Variants in DOP1B observed in about 807,000 individuals in gnomAD.
DOP1B encodes protein DOP1B.
In DOP1B, 174 loss-of-function variants were observed where a neutral mutation model predicts 233.5. That is an observed-to-expected ratio of 0.75 (90% CI 0.66 to 0.85). The LOEUF (loss-of-function observed/expected upper bound fraction) is 0.85. Among genes scored for constraint, DOP1B ranks in the 40% least tolerant of loss-of-function variants. DOP1B has a pLI of 0.00. For missense variants in DOP1B, 2,652 were observed against 2,846.6 expected, an observed-to-expected ratio of 0.93 and a Z score of 1.56; for synonymous variants, 1,190 against 1,185.6, an observed-to-expected ratio of 1.00 and a Z score of -0.08.
At chr21:36,193,162 G>A (rs2066252495) in intron 2 of DOP1B, among the ~76,000 whole-genome samples, 1 of 152,170 alleles carries the variant, frequency 6.6e-6, no homozygotes. Context: ...CATCCATTGC[G>A]AGGTTCATGG....
intron 2 of DOP1B, among the ~76,000 whole-genome samples, chr21:36,185,847 C>T (rs1484727565): frequency 1.3e-5 from 2 of 152,148 alleles, no homozygotes; most frequent in African/African-American, 4.8e-5. Context: ...AGCATTTGCA[C>T]ATGTGTGCTG....
chr21:36,197,891 A>T (rs1050997175), intron 2 of DOP1B, among the ~76,000 whole-genome samples: 1 of 151,928 alleles, frequency 6.6e-6, no homozygotes, highest in Non-Finnish European at 1.5e-5. Flanking sequence ...TGTGCCTGTA[A>T]TCCCAGCTAC....
intron 2 of DOP1B, among the ~76,000 whole-genome samples, chr21:36,197,424 T>C (rs1225142636): frequency 1.3e-5 from 2 of 152,204 alleles, no homozygotes; most frequent in Non-Finnish European, 2.9e-5. Flanking sequence ...GTCATGAGGC[T>C]GAGGGCCCAC....
chr21:36,259,381 C>T (rs1200673777), intron 23 of DOP1B, among the ~76,000 whole-genome samples: 1 of 151,914 alleles, frequency 6.6e-6, no homozygotes, highest in East Asian at 1.9e-4. Flanking sequence ...AGCAATTGTC[C>T]TGCCTCTGCC....
At chr21:36,237,480 C>T in intron 16 of DOP1B, 66 bp downstream of exon 16, 4 of 1,583,064 alleles carry the variant, frequency 2.5e-6, no homozygotes, top group Non-Finnish European at 3.4e-6. Flanking sequence ...TGCCCTTAGC[C>T]AACTGACATC....
At position 36,265,932 on chromosome 21, in the gene DOP1B, G is replaced by A. The variant is rs536270764; in HGVS notation, c.5487+2118G>A. Reference sequence around the variant, plus strand: ...CTGCAGTGGACACTAGATAGGCACCGTCCAATTCCATTCAATTCTGGCATT... The same window carrying A: ...CTGCAGTGGACACTAGATAGGCACCATCCAATTCCATTCAATTCTGGCATT... On this transcript the variant is annotated intron_variant, in intron 26 of 36. Coordinates refer to ENST00000691173, the MANE Select transcript of DOP1B (RefSeq NM_001320714.2). 2.1e-3 allele frequency among the ~76,000 whole-genome samples: 323 copies of A among 152,122 alleles called. 2 individuals are homozygous for A. Among genetic ancestry groups the A allele is most frequent in the African/African-American group, 6.7e-3 (276 of 41,470 alleles).
chr21:36,167,735 G>A (rs550417637), intron 2 of DOP1B, among the ~76,000 whole-genome samples: 3 of 137,204 alleles, frequency 2.2e-5, no homozygotes, highest in South Asian at 4.6e-4. Flanking sequence ...CGGTAACCAC[G>A]AATCTACTTT....
At chr21:36,172,159 C>T (rs948481582) in intron 2 of DOP1B, among the ~76,000 whole-genome samples, 4 of 152,118 alleles carry the variant, frequency 2.6e-5, no homozygotes, top group Admixed American at 2.0e-4. Flanking sequence ...AGAGATACAG[C>T]AGGGTCAGGC....
rs150815274 is a variant in DOP1B at position 36,253,055 on chromosome 21, G to T, written c.5122-717G>T. 4.7e-3 allele frequency among the ~76,000 whole-genome samples: 712 copies of T among 152,284 alleles called. 4 individuals are homozygous for T. Among genetic ancestry groups the T allele is most frequent in the African/African-American group, 0.016 (668 of 41,530 alleles). ...AGTGTCCAAGGCCACCCTCCTGAGC[G>T]CCTGTCGGCTCCTTCCCTGGTGAGG... On this transcript the variant is annotated intron_variant, in intron 22 of 36. Transcript: ENST00000691173.
chr21:36,278,696 C>T (rs890270099), intron 30 of DOP1B, among the ~76,000 whole-genome samples: 2 of 151,976 alleles, frequency 1.3e-5, no homozygotes, highest in Non-Finnish European at 2.9e-5. Context: ...GGCGAAACCC[C>T]GTCTCTACAA....
At chr21:36,285,822 C>G (rs1038521746) in intron 32 of DOP1B, among the ~76,000 whole-genome samples, 1 of 152,062 alleles carries the variant, frequency 6.6e-6, no homozygotes, top group African/African-American at 2.4e-5. Flanking sequence ...ACCTGGCCAA[C>G]ATGGTGAAAC....
At chr21:36,270,395 G>A (rs1290148565) in intron 27 of DOP1B, among the ~76,000 whole-genome samples, 1 of 150,122 alleles carries the variant, frequency 6.7e-6, no homozygotes, top group Non-Finnish European at 1.5e-5. Flanking sequence ...TCTACTAAAA[G>A]TAAAAAAATC....
In DOP1B at chr21:36,248,452, G is replaced by T; in HGVS notation, c.4882G>T (p.Val1628Phe). The change falls in exon 21 of 37, where the codon GTT (valine) becomes TTT (phenylalanine). Residue 1628 changes from valine to phenylalanine, a missense_variant. Val to Phe is a conservative substitution (Grantham distance 50). This residue lies in a region of DOP1B where 2,617 missense variants were observed against 2,794.3 expected (regional missense o/e 0.94). Transcript: ENST00000691173. Reference sequence around the variant, plus strand: ...CATTTTGGAAGAGCTGCCTCGAACTGTTAACACCATGGCCCTTCTCTGGAA... The same window carrying T: ...CATTTTGGAAGAGCTGCCTCGAACTTTTAACACCATGGCCCTTCTCTGGAA... ...NAILEELPRTVNTMALLWNVL... is the reference protein window; with the variant it reads ...NAILEELPRTFNTMALLWNVL... 1 of 1,614,116 alleles carries T rather than the reference G, an allele frequency of 6.2e-7. No homozygotes were observed.
intron 11 of DOP1B, 42 bp from the exon 12 acceptor site, chr21:36,225,523 G>C: frequency 6.2e-7 from 1 of 1,609,318 alleles, no homozygotes; most frequent in African/African-American, 1.3e-5. Flanking sequence ...GAGCCTCCAT[G>C]CCTGGCCAAA....
chr21:36,238,460 G>T, intron 16 of DOP1B, 141 bp from the exon 17 acceptor site: 1 of 680,090 alleles, frequency 1.5e-6, no homozygotes. Flanking sequence ...ATCAGTCAAA[G>T]GAGAATGCAG....
Position 36,212,100 on chromosome 21 carries a change from A to G in DOP1B, c.904+3A>G. On this transcript the variant is annotated splice_donor_region_variant and intron_variant, in intron 7 of 36. Transcript: ENST00000691173. ...AAGACTGTATGCATGGTTACTAGGT[A>G]CTGAGCAGTATACACCCTTTTAAAG... 1.2e-6 allele frequency: 2 copies of G among 1,603,754 alleles called. No homozygotes were observed. The highest frequency in any genetic ancestry group is 1.7e-6 in the Non-Finnish European group (2 of 1,175,778).
chr21:36,179,049 A>G (rs918489612), intron 2 of DOP1B, among the ~76,000 whole-genome samples: 6 of 152,178 alleles, frequency 3.9e-5, no homozygotes, highest in Admixed American at 1.3e-4. Flanking sequence ...ATATAAATGG[A>G]ATCCCACAGT....
At chr21:36,261,345 A>G in intron 24 of DOP1B, 2 of 981,262 alleles carry the variant, frequency 2.0e-6, no homozygotes, top group Non-Finnish European at 2.4e-6. Context: ...AGCCTGGGTG[A>G]CAGAGCAAGG....
chr21:36,272,465 C>T (rs2067299371), intron 27 of DOP1B, among the ~76,000 whole-genome samples: 2 of 151,682 alleles, frequency 1.3e-5, no homozygotes, highest in African/African-American at 2.4e-5. Context: ...GCCTGGCCAA[C>T]TTGGCGAAAC....
Sources: gnomAD v4.1 joint callset for allele counts (sites outside exome capture counted in the v4.1 genomes callset) on GRCh38, gnomAD v4.1.1 for gene constraint, gnomAD v4.1.1 regional missense constraint, MANE v1.5 for transcripts, NCBI Gene and HGNC (gene_info 2026-07-23, HGNC 2026-07-21) for gene names.